UBXN7: variants seen among roughly 807,000 people sequenced by gnomAD.
UBXN7 encodes UBX domain protein 7.
A neutral mutation model predicts 58.0 loss-of-function variants in UBXN7; 9 were observed. The observed-to-expected ratio is 0.16, with a 90% CI of 0.09 to 0.27. The LOEUF (loss-of-function observed/expected upper bound fraction) is 0.27, where lower values mean the gene tolerates loss of function less well. Ranked by LOEUF, UBXN7 falls within the 10% of genes least tolerant of loss-of-function variation. UBXN7 has a pLI of 1.00. For missense variants in UBXN7, 328 were observed against 599.6 expected (o/e 0.55, Z 4.73); for synonymous variants, 208 against 205.0 (o/e 1.01, Z -0.12).
intron 3 of UBXN7, among the ~76,000 whole-genome samples, 159 bp downstream of exon 3, chr3:196,402,793 T>C (rs552573456): frequency 2.1e-4 from 32 of 152,234 alleles, no homozygotes; most frequent in Non-Finnish European, 4.1e-4. Flanking sequence ...TCACTCTTTG[T>C]GAGTCAACTG....
intron 5 of UBXN7, among the ~76,000 whole-genome samples, chr3:196,378,349 A>C (rs1729095870): frequency 6.6e-6 from 1 of 152,184 alleles, no homozygotes; most frequent in Admixed American, 6.5e-5. Context: ...TGTAGACAGA[A>C]GTGCTGGGTA....
At chr3:196,414,936 G>C (rs1027231064) in intron 1 of UBXN7, among the ~76,000 whole-genome samples, 1 of 151,950 alleles carries the variant, frequency 6.6e-6, no homozygotes, top group African/African-American at 2.4e-5. Flanking sequence ...AAACACAAAT[G>C]CAACTTTTTG....
At chr3:196,380,212 T>TGCAGTCCA (rs199690141) in intron 5 of UBXN7, among the ~76,000 whole-genome samples, 2,021 of 149,300 alleles carry the variant, frequency 0.014, 21 homozygotes, top group Middle Eastern at 0.032. Flanking sequence ...ATAGCGCCAC[T>TGCAGTCCA]GCAGTCCAGC....
Position 196,368,127 on chromosome 3 carries a change from T to C in UBXN7, c.735A>G (p.Leu245=). Residue 245 remains leucine, a synonymous_variant, in exon 8 of 11, where the codon TTA becomes TTG. Coordinates refer to ENST00000296328, the MANE Select transcript of UBXN7 (RefSeq NM_015562.2). ...CTTGGTCCAAGAAAGAAGATACATC[T>C]AACTGGTGCCATTCTACTAGCTTCT... The part of the protein sequence containing the change: ...TGQKLVEWHQ[L]DVSSFLDQVT... 1 of 1,613,980 alleles carries C rather than the reference T, an allele frequency of 6.2e-7. No homozygotes were observed. Among genetic ancestry groups the C allele is most frequent in the African/African-American group, 1.3e-5 (1 of 75,054 alleles).
intron 5 of UBXN7, among the ~76,000 whole-genome samples, chr3:196,386,707 A>C (rs988832490): frequency 6.6e-6 from 1 of 152,210 alleles, no homozygotes; most frequent in Non-Finnish European, 1.5e-5. Context: ...TCAACGAAAT[A>C]AAAGAGGACA....
In UBXN7 at chr3:196,355,109, G is replaced by A. The variant is rs529919327; in HGVS notation, c.*1576C>T. 1.3e-5 allele frequency: 2 copies of A among 152,088 alleles called. No homozygotes were observed. The highest frequency in any genetic ancestry group is 1.9e-4 in the East Asian group (1 of 5,184). The allele number at this position is 152,088 out of a possible 1,614,324, so 9.4% of individuals were successfully genotyped here. A position where few individuals can be genotyped will look rare whatever the true frequency, so the allele number is the denominator to read the frequency against. The stretch of plus-strand genomic sequence containing the variant: ...TTCCCAAATCCCCTAATTGCCAAGA[G>A]AGCAATCTTAAAGTAGATGAAAACC... On this transcript the variant is annotated 3_prime_UTR_variant, in exon 11 of 11. Coordinates refer to ENST00000296328, the MANE Select transcript of UBXN7 (RefSeq NM_015562.2).
At chr3:196,360,678 C>T (rs1728482264) in intron 10 of UBXN7, among the ~76,000 whole-genome samples, 1 of 152,170 alleles carries the variant, frequency 6.6e-6, no homozygotes, top group African/African-American at 2.4e-5. Context: ...GTCTGCTAAC[C>T]CAACATCCAT....
rs536010650 is a variant in UBXN7, at chr3:196,394,200, A to C, written c.290-581T>G. 8.9e-4 allele frequency among the ~76,000 whole-genome samples: 134 copies of C among 151,404 alleles called. 1 individual carries two copies. The highest frequency in any genetic ancestry group is 3.8e-4 in the Non-Finnish European group (26 of 67,948). On this transcript the variant is annotated intron_variant, in intron 3 of 10. Coordinates refer to ENST00000296328, the MANE Select transcript of UBXN7 (RefSeq NM_015562.2). Reference sequence around the variant, plus strand: ...CTACTTGGGAGGCTGAGGCAGGAGAATCACTTGAACCTAGGAGACAGAGGT... The same window carrying C: ...CTACTTGGGAGGCTGAGGCAGGAGACTCACTTGAACCTAGGAGACAGAGGT...
Position 196,369,529 on chromosome 3 carries a change from T to TAAA in UBXN7, c.616-21_616-19dup. Reference sequence around the variant, plus strand: ...TGATAAACCTGTTAAATCATTGATATAAAAAAAAAAGTCAGCCTCTAAGAA... The same window carrying TAAA: ...TGATAAACCTGTTAAATCATTGATATAAAAAAAAAAAAAGTCAGCCTCTAAGAA... On this transcript the variant is annotated intron_variant, in intron 6 of 10. Transcript: ENST00000296328. The TAAA allele has an allele frequency of 7.0e-7, 1 of 1,436,542 alleles. No homozygotes were observed. Among genetic ancestry groups the TAAA allele is most frequent in the Non-Finnish European group, 9.4e-7 (1 of 1,060,978 alleles). The allele number at this position is 1,436,542 out of a possible 1,614,324, so 89.0% of individuals were successfully genotyped here.
chr3:196,393,083 A>G (rs1424568223), intron 4 of UBXN7, among the ~76,000 whole-genome samples: 4 of 152,250 alleles, frequency 2.6e-5, no homozygotes, highest in Non-Finnish European at 5.9e-5. Context: ...CTCTAAAAGC[A>G]TAAGACCAAG....
At chr3:196,366,594 CAATACAATAA>C (rs756584847) in intron 8 of UBXN7, among the ~76,000 whole-genome samples, 18 of 151,868 alleles carry the variant, frequency 1.2e-4, no homozygotes, top group Non-Finnish European at 2.1e-4. Flanking sequence ...AAATACAATA[CAATACAATAA>C]AAATGTTGCT....
intron 8 of UBXN7, among the ~76,000 whole-genome samples, chr3:196,363,081 A>AT (rs1363884079): frequency 6.6e-6 from 1 of 150,764 alleles, no homozygotes; most frequent in Non-Finnish European, 1.5e-5. Flanking sequence ...ATTTTTATTT[A>AT]TTTATTTTTT....
At chr3:196,422,838 C>T (rs1292880915) in intron 1 of UBXN7, among the ~76,000 whole-genome samples, 1 of 152,090 alleles carries the variant, frequency 6.6e-6, no homozygotes, top group Admixed American at 6.6e-5. Flanking sequence ...TTATAATGTC[C>T]CCAAACTGGA....
intron 2 of UBXN7, among the ~76,000 whole-genome samples, chr3:196,405,981 T>A (rs1730149293): frequency 6.6e-6 from 1 of 152,124 alleles, no homozygotes; most frequent in Non-Finnish European, 1.5e-5. Flanking sequence ...CAACTATGAA[T>A]ATTTGCTATT....
chr3:196,417,578 G>A (rs1161416716), intron 1 of UBXN7, among the ~76,000 whole-genome samples: 1 of 151,662 alleles, frequency 6.6e-6, no homozygotes, highest in African/African-American at 2.4e-5. Flanking sequence ...ATAAAATGGG[G>A]ATTTATCAAC....
chr3:196,364,181 AC>A (rs1728590194), intron 8 of UBXN7, among the ~76,000 whole-genome samples: 1 of 152,206 alleles, frequency 6.6e-6, no homozygotes, highest in Admixed American at 6.5e-5. Flanking sequence ...TTCTAATGCC[AC>A]AGATTTTACT....
intron 5 of UBXN7, among the ~76,000 whole-genome samples, chr3:196,389,244 A>G (rs1417498727): frequency 6.6e-6 from 1 of 152,192 alleles, no homozygotes; most frequent in Non-Finnish European, 1.5e-5. Flanking sequence ...AAGGATAGGC[A>G]GCTGCCATGT....
intron 1 of UBXN7, among the ~76,000 whole-genome samples, chr3:196,411,937 A>G (rs1286532972): frequency 6.6e-6 from 1 of 152,190 alleles, no homozygotes; most frequent in African/African-American, 2.4e-5. Context: ...ATGACTGAAA[A>G]AAGGCGGCCG....
intron 8 of UBXN7, among the ~76,000 whole-genome samples, chr3:196,363,986 A>G (rs1417302455): frequency 6.6e-6 from 1 of 152,216 alleles, no homozygotes; most frequent in African/African-American, 2.4e-5. Flanking sequence ...GCCTAGAGAA[A>G]GACAAGAATT....
Sources: allele counts gnomAD v4.1 joint callset (sites outside exome capture counted in the v4.1 genomes callset), GRCh38; gene constraint gnomAD v4.1.1; transcripts MANE v1.5; gene names NCBI Gene and HGNC (gene_info 2026-07-23, HGNC 2026-07-21).